The following CPHXL2 variants were observed in gnomAD, a reference collection of about 807,000 sequenced individuals.
CPHXL2 encodes the protein cytoplasmic polyadenylated homeobox-like protein 2.
the CPHXL2 span, among the ~76,000 whole-genome samples, chr16:75,661,584 C>T: frequency 6.6e-6 from 1 of 151,916 alleles, no homozygotes; most frequent in Non-Finnish European, 1.5e-5. Flanking sequence ...CACTGAGACC[C>T]ACTCTGTGCT....
At chr16:75,672,439 G>C in the CPHXL2 span, among the ~76,000 whole-genome samples, 2 of 151,988 alleles carry the variant, frequency 1.3e-5, no homozygotes, top group South Asian at 4.2e-4. Context: ...AAAGAATCTT[G>C]TGTATGCCGG....
chr16:75,664,046 T>C, the CPHXL2 span, among the ~76,000 whole-genome samples: 3 of 152,196 alleles, frequency 2.0e-5, no homozygotes, highest in Admixed American at 6.5e-5. Context: ...TTTCTAGTGA[T>C]AAAAACTCTT....
At chr16:75,667,691 T>C in the CPHXL2 span, among the ~76,000 whole-genome samples, 1 of 152,230 alleles carries the variant, frequency 6.6e-6, no homozygotes, top group Non-Finnish European at 1.5e-5. Context: ...AAACAGGCAA[T>C]TTTCAAATTT....
At chr16:75,667,303 C>A in the CPHXL2 span, among the ~76,000 whole-genome samples, 1 of 141,022 alleles carries the variant, frequency 7.1e-6, no homozygotes, top group African/African-American at 2.8e-5. Flanking sequence ...CAGAGGGAGA[C>A]TCCATTTCCA....
At chr16:75,668,656 C>T in the CPHXL2 span, among the ~76,000 whole-genome samples, 1 of 152,212 alleles carries the variant, frequency 6.6e-6, no homozygotes, top group African/African-American at 2.4e-5. Context: ...CATGTCCTCT[C>T]ATGTCCTTAA....
the CPHXL2 span, among the ~76,000 whole-genome samples, chr16:75,668,317 C>G: frequency 2.6e-5 from 4 of 151,488 alleles, no homozygotes; most frequent in South Asian, 2.1e-4. Context: ...CAGCCTCTGC[C>G]TCCTGGGTTC....
chr16:75,663,017 G>A, the CPHXL2 span, among the ~76,000 whole-genome samples: 1 of 152,212 alleles, frequency 6.6e-6, no homozygotes, highest in East Asian at 1.9e-4. Context: ...AGCCAGGATA[G>A]TCTCGATCTC....
the CPHXL2 span, among the ~76,000 whole-genome samples, chr16:75,676,415 T>C: frequency 6.6e-6 from 1 of 152,210 alleles, no homozygotes. Flanking sequence ...TTTCTAACTC[T>C]TGGGCTCAGA....
At chr16:75,671,828 G>A in the CPHXL2 span, among the ~76,000 whole-genome samples, 3 of 152,310 alleles carry the variant, frequency 2.0e-5, no homozygotes, top group Admixed American at 1.3e-4. Flanking sequence ...AAGTGTGACT[G>A]AAAAAGAGAG....
the CPHXL2 span, among the ~76,000 whole-genome samples, chr16:75,669,733 C>T: frequency 2.6e-5 from 4 of 152,298 alleles, no homozygotes; most frequent in East Asian, 7.7e-4. Context: ...TAACTCTAGG[C>T]CTATGGGCCA....
the CPHXL2 span, chr16:75,661,005 T>C: frequency 5.0e-5 from 20 of 400,012 alleles, no homozygotes; most frequent in Middle Eastern, 3.9e-4. Flanking sequence ...AGAGAAGCAA[T>C]TGTAGCCCAT....
chr16:75,662,678 C>T, the CPHXL2 span, among the ~76,000 whole-genome samples: 1 of 152,026 alleles, frequency 6.6e-6, no homozygotes, highest in Admixed American at 6.6e-5. Flanking sequence ...TTATTTTTCT[C>T]TCCCCTAGAA....
the CPHXL2 span, among the ~76,000 whole-genome samples, chr16:75,675,722 C>T: frequency 6.6e-5 from 10 of 152,102 alleles, no homozygotes; most frequent in East Asian, 1.9e-4. Flanking sequence ...CATTGTTACT[C>T]TGGGTGCTCT....
chr16:75,672,986 G>A, the CPHXL2 span, among the ~76,000 whole-genome samples: 2 of 149,366 alleles, frequency 1.3e-5, no homozygotes, highest in Admixed American at 6.9e-5. Context: ...AGGCTGAGGT[G>A]TTTGCTTGAG....
the CPHXL2 span, among the ~76,000 whole-genome samples, chr16:75,669,907 C>G: frequency 3.5e-4 from 54 of 152,318 alleles, no homozygotes; most frequent in African/African-American, 1.3e-3. Context: ...AACATATTTA[C>G]TATCTGGATT....
chr16:75,664,302 A>C, the CPHXL2 span, among the ~76,000 whole-genome samples: 3 of 152,206 alleles, frequency 2.0e-5, no homozygotes, highest in Admixed American at 2.0e-4. Context: ...AAATTGATTA[A>C]GATCTGTCTC....
chr16:75,660,311 C>T, the CPHXL2 span: 1 of 398,390 alleles, frequency 2.5e-6, no homozygotes. Context: ...CGTGTAGACC[C>T]CTCAACCTAA....
chr16:75,665,483 C>T, the CPHXL2 span, among the ~76,000 whole-genome samples: 1 of 152,164 alleles, frequency 6.6e-6, no homozygotes, highest in African/African-American at 2.4e-5. Context: ...CTAAAAGGAG[C>T]TCTGAAATCT....
At chr16:75,663,885 C>CCAAAAAAAA in the CPHXL2 span, among the ~76,000 whole-genome samples, 1 of 85,484 alleles carries the variant, frequency 1.2e-5, no homozygotes, top group African/African-American at 4.7e-5. Flanking sequence ...GACTCTGTCT[C>CCAAAAAAAA]AAAAAAAAAA....
Sources: gnomAD v4.1 joint callset for allele counts (sites outside exome capture counted in the v4.1 genomes callset) on GRCh38, gnomAD v4.1.1 for gene constraint, MANE v1.5 for transcripts, NCBI Gene and HGNC (gene_info 2026-07-23, HGNC 2026-07-21) for gene names.